The following BTBD1 variants were observed in gnomAD, a reference collection of about 807,000 sequenced individuals.
BTBD1 encodes BTB domain containing 1.
In BTBD1, 34 loss-of-function variants were observed where a neutral mutation model predicts 48.0. The ratio of observed to expected loss-of-function variants is 0.71; its 90% confidence interval spans 0.54 to 0.94. The LOEUF (loss-of-function observed/expected upper bound fraction) is 0.94. Ranked by LOEUF, BTBD1 falls within the 40% of genes least tolerant of loss-of-function variation. The pLI is 0.00. For synonymous variants in BTBD1, 261 were observed against 242.1 expected (o/e 1.08, Z -0.72); for missense variants, 543 against 625.6 (o/e 0.87, Z 1.41).
At chr15:83,030,450 A>C (rs1406610049) in intron 4 of BTBD1, 122 bp from the exon 5 acceptor site, 2 of 746,410 alleles carry the variant, frequency 2.7e-6, no homozygotes, top group Non-Finnish European at 4.4e-6. Flanking sequence ...AAAAAATCTT[A>C]GCATATATAA....
At chr15:83,029,856 G>T (rs993565502) in intron 5 of BTBD1, 9 of 363,884 alleles carry the variant, frequency 2.5e-5, no homozygotes, top group Non-Finnish European at 4.5e-5. Context: ...GTGACAGAGC[G>T]ACTCCATCTT....
At chr15:83,040,459 T>C (rs1017052039) in intron 4 of BTBD1, among the ~76,000 whole-genome samples, 3 of 152,136 alleles carry the variant, frequency 2.0e-5, no homozygotes, top group East Asian at 1.9e-4. Context: ...TCCCAGCACT[T>C]TGGGAGCCCG....
At chr15:83,056,573 G>A in intron 1 of BTBD1, 28 bp from the exon 2 acceptor site, 1 of 1,596,598 alleles carries the variant, frequency 6.3e-7, no homozygotes, top group African/African-American at 1.3e-5. Context: ...TATTTGCAGA[G>A]ATGGTCAGTA....
At chr15:83,046,276 TTTAA>T (rs2032876018) in intron 3 of BTBD1, among the ~76,000 whole-genome samples, 1 of 152,182 alleles carries the variant, frequency 6.6e-6, no homozygotes, top group African/African-American at 2.4e-5. Flanking sequence ...AAAAATGTTT[TTTAA>T]TTAATTACCA....
intron 4 of BTBD1, among the ~76,000 whole-genome samples, chr15:83,037,560 T>C (rs993739749): frequency 2.0e-5 from 3 of 152,180 alleles, no homozygotes; most frequent in African/African-American, 7.2e-5. Flanking sequence ...GAGCCATCTA[T>C]GATAAATCCA....
intron 3 of BTBD1, among the ~76,000 whole-genome samples, chr15:83,047,506 T>C (rs2032903469): frequency 6.6e-6 from 1 of 152,236 alleles, no homozygotes; most frequent in Non-Finnish European, 1.5e-5. Context: ...TCCTGGGATG[T>C]GACTAGTCTG....
chr15:83,053,916 C>G (rs1360820845), intron 2 of BTBD1, among the ~76,000 whole-genome samples: 4 of 152,202 alleles, frequency 2.6e-5, no homozygotes, highest in African/African-American at 9.7e-5. Flanking sequence ...GTACATTCTG[C>G]TATTATCAGT....
Position 83,056,636 on chromosome 15 carries a change from A to G in BTBD1, c.402-91T>C, listed in dbSNP as rs1024105301. On this transcript the variant is annotated intron_variant, in intron 1 of 7. Coordinates refer to ENST00000261721, the MANE Select transcript of BTBD1 (RefSeq NM_025238.4). ...TTAAATTTCTGAGGAGTATTTACTT[A>G]TATTTTTATTTTATGTTTTCATCCA... 8.8e-5 allele frequency: 100 copies of G among 1,138,498 alleles called. 1 individual carries two copies. The highest frequency in any genetic ancestry group is 1.1e-4 in the Non-Finnish European group (85 of 797,462). 70.5% of individuals were successfully genotyped at this position (1,138,498 alleles called of 1,614,324 possible).
rs1159207634 is a variant in BTBD1, at chr15:83,067,237, G to T, written c.-86C>A. 2 of 1,271,826 alleles carry T rather than the reference G, an allele frequency of 1.6e-6. No individual in the cohort carries two copies. Among genetic ancestry groups the T allele is most frequent in the African/African-American group, 1.6e-5 (1 of 64,440 alleles). 78.8% of individuals were successfully genotyped at this position (1,271,826 alleles called of 1,614,324 possible). ...CTCCGGAGGCCGGCGCTGCCTCCCT[G>T]CCTTCCGGGAAAGGCGCTTCCGGGG... On this transcript the variant is annotated 5_prime_UTR_variant, in exon 1 of 8. Coordinates refer to ENST00000261721, the MANE Select transcript of BTBD1 (RefSeq NM_025238.4).
intron 3 of BTBD1, 66 bp from the exon 4 acceptor site, chr15:83,041,991 C>G: frequency 7.5e-7 from 1 of 1,338,204 alleles, no homozygotes. Flanking sequence ...GCAATACCAA[C>G]AGACACACTT....
chr15:83,045,122 T>A (rs1437853252), intron 3 of BTBD1, among the ~76,000 whole-genome samples: 1 of 152,234 alleles, frequency 6.6e-6, no homozygotes, highest in African/African-American at 2.4e-5. Context: ...ATGCTATAGT[T>A]ACAGCAGAAA....
At chr15:83,023,502 C>T (rs2032341437) in intron 5 of BTBD1, among the ~76,000 whole-genome samples, 2 of 152,170 alleles carry the variant, frequency 1.3e-5, no homozygotes, top group South Asian at 4.1e-4. Flanking sequence ...GCCTCAGCCT[C>T]CTGAGTATCT....
chr15:83,042,377 T>C (rs1335040152), intron 3 of BTBD1, among the ~76,000 whole-genome samples: 1 of 105,956 alleles, frequency 9.4e-6, no homozygotes, highest in Non-Finnish European at 2.0e-5. Flanking sequence ...TATATATATA[T>C]GTATGTATAT....
chr15:83,063,549 T>C (rs558853105), intron 1 of BTBD1, among the ~76,000 whole-genome samples: 61 of 152,352 alleles, frequency 4.0e-4, no homozygotes, highest in African/African-American at 1.4e-3. Context: ...CTGCCTATTT[T>C]ACTCCAACCA....
chr15:83,025,814 G>C (rs1567102599), intron 5 of BTBD1, among the ~76,000 whole-genome samples: 2 of 151,820 alleles, frequency 1.3e-5, no homozygotes, highest in Admixed American at 1.3e-4. Flanking sequence ...CTGTCACCCA[G>C]CCTGGAGTGC....
intron 1 of BTBD1, among the ~76,000 whole-genome samples, chr15:83,066,029 C>A (rs1027377759): frequency 1.6e-4 from 25 of 152,120 alleles, no homozygotes; most frequent in Non-Finnish European, 1.5e-5. Context: ...CGGTGGTTCA[C>A]GCCTGTAATC....
intron 2 of BTBD1, among the ~76,000 whole-genome samples, chr15:83,051,339 T>C (rs2032977549): frequency 6.6e-6 from 1 of 152,116 alleles, no homozygotes; most frequent in African/African-American, 2.4e-5. Flanking sequence ...AAATTCATTT[T>C]AAAGTATTCA....
At chr15:83,064,071 G>A (rs1335898848) in intron 1 of BTBD1, among the ~76,000 whole-genome samples, 1 of 152,168 alleles carries the variant, frequency 6.6e-6, no homozygotes, top group Non-Finnish European at 1.5e-5. Context: ...ATCATTTAAA[G>A]GTCAGGCAGT....
chr15:83,066,682 C>T (rs1596447354), intron 1 of BTBD1, 69 bp downstream of exon 1: 3 of 1,270,072 alleles, frequency 2.4e-6, no homozygotes, highest in African/African-American at 1.6e-5. Context: ...GTAGGCCGGG[C>T]CCCGGGGATC....
Sources: gnomAD v4.1 joint callset for allele counts (sites outside exome capture counted in the v4.1 genomes callset) on GRCh38, gnomAD v4.1.1 for gene constraint, MANE v1.5 for transcripts, NCBI Gene and HGNC (gene_info 2026-07-23, HGNC 2026-07-21) for gene names.